WWOX: variants seen among roughly 807,000 people sequenced by gnomAD.
The protein encoded by WWOX is WW domain-containing oxidoreductase.
In WWOX, 69 loss-of-function variants were observed where a neutral mutation model predicts 46.2. The ratio of observed to expected loss-of-function variants is 1.49; its 90% CI spans 1.23 to 1.82. The LOEUF (loss-of-function observed/expected upper bound fraction) is 1.82. Among genes scored for constraint, WWOX ranks in the 40% most tolerant of loss-of-function variants. WWOX has a pLI of 0.00. For missense variants in WWOX, 919 were observed against 542.6 expected (o/e 1.69, Z -6.89); for synonymous variants, 359 against 202.6 (o/e 1.77, Z -6.56).
At chr16:78,614,990 G>A (rs1334507179) in intron 8 of WWOX, among the ~76,000 whole-genome samples, 1 of 152,104 alleles carries the variant, frequency 6.6e-6, no homozygotes, top group Non-Finnish European at 1.5e-5. Context: ...GCTCTGGGCT[G>A]TGTTATATAC....
rs545566100 is a variant in WWOX at position 78,557,848 on chromosome 16, A to C, written c.1056+125096A>C. 6.4e-4 allele frequency among the ~76,000 whole-genome samples: 98 copies of C among 151,950 alleles called. 1 individual carries two copies. The highest frequency in any genetic ancestry group is 2.2e-3 in the African/African-American group (91 of 41,410). ...GTAGCTGGGATTATAGTCACCTACCACCATACCCAGCTAATTTTTGTATTT... is the reference window on the plus strand; with the variant it reads ...GTAGCTGGGATTATAGTCACCTACCCCCATACCCAGCTAATTTTTGTATTT... On this transcript the variant is annotated intron_variant, in intron 8 of 8. Transcript: ENST00000566780.
intron 5 of WWOX, among the ~76,000 whole-genome samples, chr16:78,255,297 G>T (rs2038098063): frequency 6.6e-6 from 1 of 152,146 alleles, no homozygotes; most frequent in African/African-American, 2.4e-5. Context: ...AAAACAGTGG[G>T]CAAGAACAGC....
intron 8 of WWOX, among the ~76,000 whole-genome samples, chr16:78,807,007 C>T (rs2051058770): frequency 6.6e-6 from 1 of 152,158 alleles, no homozygotes; most frequent in African/African-American, 2.4e-5. Context: ...AAATGGGGGA[C>T]ACTAATGCTG....
chr16:78,172,615 C>T (rs767983648), intron 5 of WWOX, among the ~76,000 whole-genome samples: 12 of 150,684 alleles, frequency 8.0e-5, no homozygotes, highest in Admixed American at 2.6e-4. Context: ...TCCTGGCCAC[C>T]GCTCGCAGTC....
intron 8 of WWOX, among the ~76,000 whole-genome samples, chr16:78,644,989 C>G (rs2046806242): frequency 6.6e-6 from 1 of 152,134 alleles, no homozygotes; most frequent in Non-Finnish European, 1.5e-5. Flanking sequence ...TTCTACTCTT[C>G]AATGAGTTTA....
intron 5 of WWOX, among the ~76,000 whole-genome samples, chr16:78,253,407 A>G (rs1170338487): frequency 6.6e-6 from 1 of 152,208 alleles, no homozygotes; most frequent in African/African-American, 2.4e-5. Context: ...AACCCTGTGA[A>G]TAGACATTAT....
chr16:78,529,312 A>G (rs999514913), intron 8 of WWOX, among the ~76,000 whole-genome samples: 3 of 152,234 alleles, frequency 2.0e-5, no homozygotes, highest in East Asian at 1.9e-4. Context: ...TGGCCTCTTT[A>G]TCAAATGCAT....
intron 8 of WWOX, among the ~76,000 whole-genome samples, chr16:79,086,177 T>C (rs2048851001): frequency 6.6e-6 from 1 of 152,230 alleles, no homozygotes; most frequent in South Asian, 2.1e-4. Flanking sequence ...CTTTTTTCTC[T>C]TTGTAAAAAT....
At chr16:79,210,221 T>A (rs2051676692) in intron 8 of WWOX, among the ~76,000 whole-genome samples, 3 of 152,200 alleles carry the variant, frequency 2.0e-5, no homozygotes. Flanking sequence ...ATCCTGACAC[T>A]GAAGAAGCTA....
chr16:78,198,245 C>T (rs1345750743), intron 5 of WWOX, among the ~76,000 whole-genome samples: 1 of 152,092 alleles, frequency 6.6e-6, no homozygotes, highest in Non-Finnish European at 1.5e-5. Flanking sequence ...CATAGGACAT[C>T]CCCAGCATTC....
intron 5 of WWOX, among the ~76,000 whole-genome samples, chr16:78,372,623 G>A (rs547705654): frequency 6.6e-6 from 1 of 152,308 alleles, no homozygotes; most frequent in East Asian, 1.9e-4. Flanking sequence ...ACTCTCCTTA[G>A]GGGAATTAGC....
chr16:78,893,808 T>C (rs993157279), intron 8 of WWOX, among the ~76,000 whole-genome samples: 6 of 152,108 alleles, frequency 3.9e-5, no homozygotes, highest in Admixed American at 6.6e-5. Flanking sequence ...GATCACACTT[T>C]TGCTTCACAG....
intron 8 of WWOX, among the ~76,000 whole-genome samples, chr16:78,486,698 C>G (rs750473488): frequency 1.3e-5 from 2 of 152,182 alleles, no homozygotes; most frequent in Non-Finnish European, 2.9e-5. Context: ...CTTAGCCTCC[C>G]GCGTAGCTGG....
intron 5 of WWOX, among the ~76,000 whole-genome samples, chr16:78,272,199 A>C (rs74028001): frequency 6.0e-4 from 92 of 152,300 alleles, no homozygotes; most frequent in African/African-American, 2.1e-3. Context: ...GACTGGGGTC[A>C]GTCAGTGGTG....
intron 8 of WWOX, among the ~76,000 whole-genome samples, chr16:78,721,734 T>C (rs890449411): frequency 2.0e-5 from 3 of 152,218 alleles, no homozygotes; most frequent in Non-Finnish European, 2.9e-5. Flanking sequence ...AGAGTTTTTC[T>C]GGGAATCGAA....
At chr16:78,108,547 A>G (rs2151665903) in intron 2 of WWOX, 60 bp downstream of exon 2, 1 of 1,585,584 alleles carries the variant, frequency 6.3e-7, no homozygotes, top group Non-Finnish European at 8.7e-7. Context: ...AGGAAATGTC[A>G]CTGGCAGAGA....
intron 3 of WWOX, among the ~76,000 whole-genome samples, chr16:78,111,606 C>T (rs554726583): frequency 2.8e-4 from 42 of 152,292 alleles, no homozygotes; most frequent in African/African-American, 9.9e-4. Flanking sequence ...GAACACTCTG[C>T]TCCACCAGCT....
intron 6 of WWOX, among the ~76,000 whole-genome samples, chr16:78,423,692 A>G (rs2083005840): frequency 6.6e-6 from 1 of 152,048 alleles, no homozygotes; most frequent in Non-Finnish European, 1.5e-5. Flanking sequence ...AAAATAAGAA[A>G]TAAAATAGCC....
Position 78,950,333 on chromosome 16 carries a change from G to C in WWOX, c.1057-261275G>C, listed in dbSNP as rs565047005. Among the ~76,000 whole-genome samples, 206 of 152,270 alleles carry C rather than the reference G, an allele frequency of 1.4e-3. 1 individual carries two copies. Among genetic ancestry groups the C allele is most frequent in the African/African-American group, 4.9e-3 (202 of 41,552 alleles). ...GTTATTTCCTTGAGGAGAAAGGAAAGGAGAAGTTGAGTACTTTTCAGTGTT... is the reference window on the plus strand; with the variant it reads ...GTTATTTCCTTGAGGAGAAAGGAAACGAGAAGTTGAGTACTTTTCAGTGTT... On this transcript the variant is annotated intron_variant, in intron 8 of 8. Coordinates refer to ENST00000566780, the MANE Select transcript of WWOX (RefSeq NM_016373.4).
Sources: allele counts gnomAD v4.1 joint callset (sites outside exome capture counted in the v4.1 genomes callset), GRCh38; gene constraint gnomAD v4.1.1; transcripts MANE v1.5; gene names NCBI Gene and HGNC (gene_info 2026-07-23, HGNC 2026-07-21).